Variants in DGKB observed in about 807,000 individuals in gnomAD.
DGKB encodes 90 kDa diacylglycerol kinase.
In DGKB, 67 loss-of-function variants were observed where a neutral mutation model predicts 114.3. That is an observed-to-expected ratio of 0.59 (90% CI 0.48 to 0.72). The LOEUF is 0.72. DGKB is among the 30% of genes least tolerant of loss of function. The pLI is 0.00. For synonymous variants in DGKB, 398 were observed against 323.1 expected (o/e 1.23, Z -2.49); for missense variants, 907 against 975.2 (o/e 0.93, Z 0.93).
intron 2 of DGKB, among the ~76,000 whole-genome samples, chr7:14,767,956 A>G (rs1348339478): frequency 6.6e-6 from 1 of 151,968 alleles, no homozygotes; most frequent in African/African-American, 2.4e-5. Context: ...ATCCTGTTTT[A>G]AGACAATACA....
At chr7:14,466,421 G>A (rs571986023) in intron 21 of DGKB, among the ~76,000 whole-genome samples, 1 of 152,210 alleles carries the variant, frequency 6.6e-6, no homozygotes, top group East Asian at 1.9e-4. Flanking sequence ...AGTTAAAGTC[G>A]ATTTTAGTAC....
chr7:14,566,165 T>C (rs1021846406), intron 20 of DGKB, among the ~76,000 whole-genome samples: 1 of 152,166 alleles, frequency 6.6e-6, no homozygotes, highest in African/African-American at 2.4e-5. Context: ...AGATGTAATA[T>C]AAATGTAATG....
chr7:14,729,340 T>G (rs896916795), intron 5 of DGKB, among the ~76,000 whole-genome samples: 1 of 151,950 alleles, frequency 6.6e-6, no homozygotes, highest in Non-Finnish European at 1.5e-5. Context: ...GCCAGGATGG[T>G]CTCGATCTCC....
intron 1 of DGKB, among the ~76,000 whole-genome samples, chr7:14,892,124 A>T (rs1205683999): frequency 6.6e-6 from 1 of 151,368 alleles, no homozygotes; most frequent in Non-Finnish European, 1.5e-5. Context: ...TCATGGAAGA[A>T]AATGAGGTGG....
chr7:14,963,705 T>C (rs1786992071), intron 1 of DGKB, among the ~76,000 whole-genome samples: 1 of 152,184 alleles, frequency 6.6e-6, no homozygotes, highest in South Asian at 2.1e-4. Flanking sequence ...GATTGCCAGA[T>C]AGGTTTGTTG....
At chr7:14,939,431 T>C (rs762923586) in intron 1 of DGKB, among the ~76,000 whole-genome samples, 6 of 152,072 alleles carry the variant, frequency 3.9e-5, no homozygotes, top group African/African-American at 1.4e-4. Context: ...CCTGTTGTGA[T>C]GGCTCCAACT....
intron 17 of DGKB, among the ~76,000 whole-genome samples, chr7:14,590,134 C>A: frequency 1.4e-5 from 2 of 145,354 alleles, no homozygotes; most frequent in Non-Finnish European, 3.0e-5. Context: ...ACAATGTGCA[C>A]ATGTACCCTA....
At chr7:14,175,429 C>A (rs1484761652) in intron 25 of DGKB, among the ~76,000 whole-genome samples, 2 of 152,166 alleles carry the variant, frequency 1.3e-5, no homozygotes, top group Non-Finnish European at 1.5e-5. Context: ...CCCTTTCTCT[C>A]CTCCACCTCC....
At chr7:14,360,667 A>G (rs1815551140) in intron 21 of DGKB, among the ~76,000 whole-genome samples, 1 of 152,044 alleles carries the variant, frequency 6.6e-6, no homozygotes, top group African/African-American at 2.4e-5. Flanking sequence ...AAATATCTGA[A>G]GTGGACTCAG....
chr7:14,607,421 T>G lies in DGKB; in HGVS notation c.1433+13A>C. On this transcript the variant is annotated intron_variant, in intron 17 of 25. Coordinates refer to ENST00000402815, the MANE Select transcript of DGKB (RefSeq NM_001350709.2). ...AACTGAGTTAATGGTAATAATATTATCCTTGGACTTACCCTGGCATTGGTC... is the reference window on the plus strand; with the variant it reads ...AACTGAGTTAATGGTAATAATATTAGCCTTGGACTTACCCTGGCATTGGTC... 7.3e-7 allele frequency: 1 copy of G among 1,376,664 alleles called. No homozygotes were observed. Among genetic ancestry groups the G allele is most frequent in the Non-Finnish European group, 1.0e-6 (1 of 968,098 alleles). The allele number at this position is 1,376,664 out of a possible 1,614,324, so 85.3% of individuals were successfully genotyped here.
intron 17 of DGKB, among the ~76,000 whole-genome samples, chr7:14,602,232 T>C (rs1171841056): frequency 2.6e-5 from 4 of 152,202 alleles, no homozygotes; most frequent in Non-Finnish European, 5.9e-5. Flanking sequence ...GGATGGATCA[T>C]ACCTTGAGTC....
At chr7:14,698,421 A>G (rs1342667259) in intron 7 of DGKB, among the ~76,000 whole-genome samples, 1 of 152,176 alleles carries the variant, frequency 6.6e-6, no homozygotes, top group East Asian at 1.9e-4. Context: ...TACAAAAAAT[A>G]CATTTTCTTC....
chr7:14,787,041 A>C (rs1309806132), intron 2 of DGKB, among the ~76,000 whole-genome samples: 1 of 152,188 alleles, frequency 6.6e-6, no homozygotes, highest in African/African-American at 2.4e-5. Flanking sequence ...ATTTTGGGAC[A>C]ACCTGCCAGT....
chr7:14,887,707 T>C (rs1193564238), intron 1 of DGKB, among the ~76,000 whole-genome samples: 1 of 151,786 alleles, frequency 6.6e-6, no homozygotes, highest in Non-Finnish European at 1.5e-5. Flanking sequence ...ATCACTCTTG[T>C]TCCTCTTGCC....
intron 21 of DGKB, among the ~76,000 whole-genome samples, chr7:14,394,468 G>T (rs1371514005): frequency 6.6e-6 from 1 of 151,852 alleles, no homozygotes. Flanking sequence ...TTGTTCTTTT[G>T]CTCAGAAACC....
intron 16 of DGKB, among the ~76,000 whole-genome samples, chr7:14,611,223 T>G (rs781192564): frequency 1.3e-5 from 2 of 152,138 alleles, no homozygotes; most frequent in Admixed American, 6.6e-5. Flanking sequence ...ACATTTCTAC[T>G]TCAACCTGTA....
chr7:14,259,041 A>T (rs1796347121), intron 23 of DGKB, among the ~76,000 whole-genome samples: 1 of 152,172 alleles, frequency 6.6e-6, no homozygotes, highest in South Asian at 2.1e-4. Context: ...CAACCATTCT[A>T]TACAGTGTAA....
intron 21 of DGKB, among the ~76,000 whole-genome samples, chr7:14,356,615 C>T (rs1297276679): frequency 6.6e-6 from 1 of 152,064 alleles, no homozygotes; most frequent in African/African-American, 2.4e-5. Context: ...CCACCTCAGC[C>T]TCCCAAAGTG....
intron 14 of DGKB, among the ~76,000 whole-genome samples, chr7:14,628,485 T>C (rs976099213): frequency 6.6e-6 from 1 of 152,154 alleles, no homozygotes. Flanking sequence ...AGTGATAAGA[T>C]TGTGATATAT....
Sources: allele counts gnomAD v4.1 joint callset (sites outside exome capture counted in the v4.1 genomes callset), GRCh38; gene constraint gnomAD v4.1.1; transcripts MANE v1.5; gene names NCBI Gene and HGNC (gene_info 2026-07-23, HGNC 2026-07-21).